AKAP7: variants seen among roughly 807,000 people sequenced by gnomAD.
AKAP7 encodes A-kinase anchoring protein 7.
AKAP7 carries 39 observed loss-of-function variants against 39.5 expected under a neutral mutation model. The ratio of observed to expected loss-of-function variants is 0.99; its 90% CI spans 0.76 to 1.29. The LOEUF (loss-of-function observed/expected upper bound fraction) is 1.29. Among genes scored for constraint, AKAP7 ranks in the 50% most tolerant of loss-of-function variants. The pLI, the probability that AKAP7 is intolerant of heterozygous loss-of-function variation, is 0.00. For synonymous variants in AKAP7, 140 were observed against 139.1 expected, an observed-to-expected ratio of 1.01 and a Z score of -0.05; for missense variants, 414 against 407.7, an observed-to-expected ratio of 1.02 and a Z score of -0.13.
At chr6:131,225,764 A>G (rs1810108609) in intron 7 of AKAP7, among the ~76,000 whole-genome samples, 1 of 152,074 alleles carries the variant, frequency 6.6e-6, no homozygotes, top group African/African-American at 2.4e-5. Flanking sequence ...ATCCAGTTCT[A>G]TTTTATGCAT....
intron 2 of AKAP7, among the ~76,000 whole-genome samples, chr6:131,157,544 T>C (rs1802529857): frequency 6.6e-6 from 1 of 152,222 alleles, no homozygotes; most frequent in Admixed American, 6.5e-5. Flanking sequence ...TGCAGTTAGA[T>C]GTAGGACCTT....
chr6:131,230,979 A>G (rs994018144), intron 7 of AKAP7, among the ~76,000 whole-genome samples: 1 of 152,160 alleles, frequency 6.6e-6, no homozygotes, highest in African/African-American at 2.4e-5. Context: ...TTTGAAGAGT[A>G]TAAAGGAGTC....
chr6:131,250,683 G>T, intron 7 of AKAP7: 1 of 1,534,988 alleles, frequency 6.5e-7, no homozygotes, highest in South Asian at 1.1e-5. Context: ...TCTTCTAGGG[G>T]TAGTTTTGCT....
intron 7 of AKAP7, among the ~76,000 whole-genome samples, chr6:131,227,976 G>A (rs1245899789): frequency 1.3e-5 from 2 of 152,168 alleles, no homozygotes; most frequent in Admixed American, 6.6e-5. Flanking sequence ...CAGCCAAAAA[G>A]AAAAGACCTT....
chr6:131,202,288 C>A (rs1437720666), intron 6 of AKAP7, among the ~76,000 whole-genome samples: 1 of 144,526 alleles, frequency 6.9e-6, no homozygotes, highest in Non-Finnish European at 1.5e-5. Context: ...ATAAATCATG[C>A]TGCTATAAAG....
At chr6:131,191,741 C>T (rs1297689264) in intron 5 of AKAP7, among the ~76,000 whole-genome samples, 1 of 152,058 alleles carries the variant, frequency 6.6e-6, no homozygotes, top group Non-Finnish European at 1.5e-5. Flanking sequence ...CTAATGCTCA[C>T]TGGGGTGCTG....
At chr6:131,143,211 C>T (rs1361228586) in intron 1 of AKAP7, among the ~76,000 whole-genome samples, 1 of 152,026 alleles carries the variant, frequency 6.6e-6, no homozygotes, top group Non-Finnish European at 1.5e-5. Context: ...TTTAGGTGGC[C>T]AGGGGCAGAA....
intron 7 of AKAP7, among the ~76,000 whole-genome samples, chr6:131,267,911 C>T (rs1813947984): frequency 6.6e-6 from 1 of 152,026 alleles, no homozygotes; most frequent in Admixed American, 6.6e-5. Context: ...AAGGCAGGGC[C>T]CATGTCAGAT....
In AKAP7 at chr6:131,281,802, A is replaced by G; in HGVS notation, c.*76A>G. The stretch of plus-strand genomic sequence containing the variant: ...CTGCTGAGTCTAGGGACTGACTTGC[A>G]GCGTGCTGTTTAAGTTAAGTTTCTC... On this transcript the variant is annotated 3_prime_UTR_variant, in exon 8 of 8. Coordinates refer to ENST00000431975, the MANE Select transcript of AKAP7 (RefSeq NM_016377.4). This position sits in a 1 kb window ranked among gnomAD's most constrained non-coding sequence, Gnocchi z 4.0. 7.1e-7 allele frequency: 1 copy of G among 1,400,988 alleles called. No homozygotes were observed. Among genetic ancestry groups the G allele is most frequent in the Non-Finnish European group, 9.3e-7 (1 of 1,072,670 alleles). The allele number at this position is 1,400,988 out of a possible 1,614,324, so 86.8% of individuals were successfully genotyped here.
intron 2 of AKAP7, among the ~76,000 whole-genome samples, chr6:131,147,014 G>A (rs1801539911): frequency 6.6e-6 from 1 of 152,212 alleles, no homozygotes. Flanking sequence ...ACGTGAGGAT[G>A]TGTTCAGGGA....
intron 7 of AKAP7, among the ~76,000 whole-genome samples, chr6:131,237,871 G>C (rs1231521008): frequency 6.6e-6 from 1 of 152,084 alleles, no homozygotes; most frequent in Non-Finnish European, 1.5e-5. Flanking sequence ...TGGATTCACT[G>C]ATTTTTTTGA....
chr6:131,206,080 A>G (rs1808070856), intron 6 of AKAP7, among the ~76,000 whole-genome samples: 1 of 152,246 alleles, frequency 6.6e-6, no homozygotes, highest in African/African-American at 2.4e-5. Context: ...ATGGCAGAAG[A>G]AGACAAGTTT....
upstream of AKAP7, among the ~76,000 whole-genome samples, chr6:131,132,205 C>A (rs909950366): frequency 1.3e-5 from 2 of 151,534 alleles, no homozygotes; most frequent in East Asian, 2.0e-4. Context: ...CCCATCTACT[C>A]GGGAAGTAGA....
chr6:131,200,445 G>A (rs559844800), intron 6 of AKAP7, among the ~76,000 whole-genome samples: 5 of 152,292 alleles, frequency 3.3e-5, no homozygotes, highest in African/African-American at 1.2e-4. Context: ...CTTTGCTGCA[G>A]TTAAGACTGA....
chr6:131,222,681 A>T (rs1562225337), intron 7 of AKAP7, among the ~76,000 whole-genome samples: 1 of 152,198 alleles, frequency 6.6e-6, no homozygotes, highest in Non-Finnish European at 1.5e-5. Flanking sequence ...TTGAGATGGA[A>T]TCTACTCTTG....
intron 7 of AKAP7, among the ~76,000 whole-genome samples, chr6:131,228,105 A>G (rs1019476688): frequency 6.6e-6 from 1 of 152,214 alleles, no homozygotes; most frequent in Non-Finnish European, 1.5e-5. Context: ...TGAGTTGCCC[A>G]CATCTGGATG....
At chr6:131,234,946 T>G (rs1164446197) in intron 7 of AKAP7, among the ~76,000 whole-genome samples, 1 of 152,150 alleles carries the variant, frequency 6.6e-6, no homozygotes, top group African/African-American at 2.4e-5. Context: ...AGGGTACATG[T>G]GCACAACGTG....
intron 7 of AKAP7, among the ~76,000 whole-genome samples, chr6:131,227,415 A>G (rs1562228406): frequency 6.6e-6 from 1 of 152,178 alleles, no homozygotes; most frequent in Non-Finnish European, 1.5e-5. Flanking sequence ...ACATAGTTAC[A>G]TACACTGAGG....
intron 7 of AKAP7, among the ~76,000 whole-genome samples, chr6:131,269,208 A>T (rs1331893327): frequency 1.3e-5 from 2 of 152,130 alleles, no homozygotes; most frequent in African/African-American, 2.4e-5. Context: ...GATTACAGAC[A>T]TGAGCCACCA....
Sources: gnomAD v4.1 joint callset for allele counts (sites outside exome capture counted in the v4.1 genomes callset) on GRCh38, gnomAD v4.1.1 for gene constraint, Gnocchi (gnomAD v3.1) non-coding constraint, MANE v1.5 for transcripts, NCBI Gene and HGNC (gene_info 2026-07-23, HGNC 2026-07-21) for gene names.